The following AGBL3 variants were observed in gnomAD, a reference collection of about 807,000 sequenced individuals.
AGBL3 encodes the protein cytosolic carboxypeptidase 3.
Under a neutral mutation model 94.5 loss-of-function variants are expected in AGBL3, and 68 were observed. The ratio of observed to expected loss-of-function variants is 0.72; its 90% confidence interval spans 0.59 to 0.88. AGBL3 has a LOEUF of 0.88. Ranked by LOEUF, AGBL3 falls within the 40% of genes least tolerant of loss-of-function variation. AGBL3 has a pLI of 0.00. For missense variants in AGBL3, 934 were observed against 1,103.8 expected (o/e 0.85, Z 2.18); for synonymous variants, 354 against 370.7 (o/e 0.95, Z 0.52).
At chr7:135,079,066 G>A (rs916011708) in intron 13 of AGBL3, among the ~76,000 whole-genome samples, 7 of 151,792 alleles carry the variant, frequency 4.6e-5, no homozygotes, top group African/African-American at 1.7e-4. Context: ...TATTACTGTG[G>A]TCAGAAATTG....
chr7:135,027,587 A>G (rs971431728), intron 5 of AGBL3, among the ~76,000 whole-genome samples: 4 of 151,480 alleles, frequency 2.6e-5, no homozygotes, highest in African/African-American at 9.7e-5. Flanking sequence ...AATTATTTCA[A>G]ATTTCATTTG....
chr7:135,078,923 G>T (rs1291618143), intron 13 of AGBL3, among the ~76,000 whole-genome samples: 3 of 152,082 alleles, frequency 2.0e-5, no homozygotes, highest in African/African-American at 7.2e-5. Context: ...TACTTGGTTT[G>T]CTTATAAGAA....
At chr7:135,031,449 G>A (rs1212663499) in intron 5 of AGBL3, among the ~76,000 whole-genome samples, 3 of 151,834 alleles carry the variant, frequency 2.0e-5, no homozygotes. Context: ...AGTAGAGATG[G>A]GTTTTTACCA....
At chr7:135,134,122 C>A (rs1181271014) in intron 16 of AGBL3, among the ~76,000 whole-genome samples, 1 of 151,948 alleles carries the variant, frequency 6.6e-6, no homozygotes, top group Non-Finnish European at 1.5e-5. Context: ...AACATGGGGG[C>A]AGTGTTCTCT....
At chr7:135,029,624 C>A (rs925601632) in intron 5 of AGBL3, among the ~76,000 whole-genome samples, 13 of 152,160 alleles carry the variant, frequency 8.5e-5, no homozygotes, top group African/African-American at 3.1e-4. Flanking sequence ...ACTGTCTTAT[C>A]ATCTGTGTGT....
intron 11 of AGBL3, among the ~76,000 whole-genome samples, chr7:135,058,001 A>G (rs1035693286): frequency 6.6e-6 from 1 of 152,220 alleles, no homozygotes; most frequent in African/African-American, 2.4e-5. Context: ...TACTGTAATG[A>G]TGGCTATATA....
intron 12 of AGBL3, among the ~76,000 whole-genome samples, chr7:135,062,241 A>T (rs1818904670): frequency 6.6e-6 from 1 of 151,980 alleles, no homozygotes; most frequent in South Asian, 2.1e-4. Context: ...CTGATTTTGT[A>T]TGTTGATTTT....
At chr7:135,050,408 A>G (rs1817763922) in intron 11 of AGBL3, among the ~76,000 whole-genome samples, 1 of 151,642 alleles carries the variant, frequency 6.6e-6, no homozygotes, top group South Asian at 2.1e-4. Context: ...CATTTGGTCT[A>G]TAATGTTGTT....
At chr7:135,131,039 T>G (rs1426808702) in intron 16 of AGBL3, among the ~76,000 whole-genome samples, 1 of 152,140 alleles carries the variant, frequency 6.6e-6, no homozygotes, top group African/African-American at 2.4e-5. Flanking sequence ...GGTGTGTGTG[T>G]CCAGAGTGAG....
At chr7:135,016,263 CTACAA>C (rs1448694033) in intron 4 of AGBL3, among the ~76,000 whole-genome samples, 1 of 152,020 alleles carries the variant, frequency 6.6e-6, no homozygotes, top group African/African-American at 2.4e-5. Flanking sequence ...TCATTTAACT[CTACAA>C]TACAGTGATA....
At chr7:135,092,840 C>T (rs1822054915) in intron 15 of AGBL3, 2 of 151,392 alleles carry the variant, frequency 1.3e-5, no homozygotes, top group Non-Finnish European at 3.0e-5. Flanking sequence ...AGGATTTATC[C>T]CAGAAATGCA....
At chr7:135,005,286 A>G (rs574906397) in intron 4 of AGBL3, among the ~76,000 whole-genome samples, 12 of 151,928 alleles carry the variant, frequency 7.9e-5, no homozygotes, top group Admixed American at 4.6e-4. Context: ...AATTGTATCA[A>G]TGAATTTTAA....
At position 135,037,469 on chromosome 7, in the gene AGBL3, T is replaced by C; in HGVS notation, c.1389T>C (p.Ser463=). The change falls in exon 8 of 17, where the codon AGT becomes AGC. Residue 463 remains serine, a synonymous_variant. Transcript: ENST00000436302. ...VILYCDLHGH[S]RKENIFMYGC... ...TATACTGTGATCTTCATGGCCATAG[T>C]AGGAAAGAGAACATCTTCATGTATG... The C allele has an allele frequency of 6.4e-7, 1 of 1,550,542 alleles. No homozygotes were observed. The highest frequency in any genetic ancestry group is 8.7e-7 in the Non-Finnish European group (1 of 1,146,304).
chr7:135,018,582 T>G (rs752465973), intron 5 of AGBL3, among the ~76,000 whole-genome samples: 4 of 152,210 alleles, frequency 2.6e-5, no homozygotes, highest in Non-Finnish European at 5.9e-5. Flanking sequence ...AGGAAAGCTA[T>G]AGAAACAAGG....
At chr7:135,032,737 T>G in intron 5 of AGBL3, 107 bp from the exon 6 acceptor site, 1 of 1,090,934 alleles carries the variant, frequency 9.2e-7, no homozygotes, top group Non-Finnish European at 1.2e-6. Flanking sequence ...CCAGTTACTT[T>G]AAAATTTACA....
intron 15 of AGBL3, among the ~76,000 whole-genome samples, chr7:135,106,123 A>AGCTTTTG (rs1824676804): frequency 6.6e-6 from 1 of 152,166 alleles, no homozygotes; most frequent in Non-Finnish European, 1.5e-5. Flanking sequence ...TGTCAGCTGA[A>AGCTTTTG]GGAGCTTTTG....
At chr7:135,000,705 T>C (rs1391948810) in intron 4 of AGBL3, among the ~76,000 whole-genome samples, 1 of 152,194 alleles carries the variant, frequency 6.6e-6, no homozygotes, top group African/African-American at 2.4e-5. Flanking sequence ...CACAGGGGCA[T>C]TTTCAACTAA....
At chr7:135,051,041 A>G (rs559129820) in intron 11 of AGBL3, 18 of 447,354 alleles carry the variant, frequency 4.0e-5, no homozygotes, top group South Asian at 2.9e-4. Context: ...ATTTTTATTG[A>G]GATGACACAA....
intron 4 of AGBL3, among the ~76,000 whole-genome samples, chr7:135,012,897 C>T (rs1813332269): frequency 1.3e-5 from 2 of 151,940 alleles, no homozygotes; most frequent in Admixed American, 1.3e-4. Context: ...GCAACAATTC[C>T]TTAGGAGCCA....
Sources: allele counts gnomAD v4.1 joint callset (sites outside exome capture counted in the v4.1 genomes callset), GRCh38; gene constraint gnomAD v4.1.1; transcripts MANE v1.5; gene names NCBI Gene and HGNC (gene_info 2026-07-23, HGNC 2026-07-21).